The following MRPS27 variants were observed in gnomAD, a reference collection of about 807,000 sequenced individuals.
MRPS27 encodes mitochondrial ribosomal protein S27.
In MRPS27, 43 loss-of-function variants were observed where a neutral mutation model predicts 48.9. The observed-to-expected ratio is 0.88, with a 90% CI of 0.69 to 1.13. The LOEUF is 1.13. MRPS27 is among the 50% of genes most tolerant of loss of function. The pLI is 0.00. For missense variants in MRPS27, 467 were observed against 476.3 expected (o/e 0.98, Z 0.18); for synonymous variants, 188 against 171.9 (o/e 1.09, Z -0.73).
chr5:72,251,203 G>C (rs915758056), intron 4 of MRPS27, among the ~76,000 whole-genome samples: 3 of 152,136 alleles, frequency 2.0e-5, no homozygotes, highest in African/African-American at 7.2e-5. Context: ...TTAGCCAGAG[G>C]GGATGGAATA....
chr5:72,222,288 G>C (rs549736465), intron 10 of MRPS27, among the ~76,000 whole-genome samples: 4 of 152,348 alleles, frequency 2.6e-5, no homozygotes, highest in African/African-American at 9.6e-5. Flanking sequence ...TAAACTACGA[G>C]TTGGCAAACT....
chr5:72,278,699 A>G (rs1749450936), intron 4 of MRPS27, among the ~76,000 whole-genome samples: 1 of 152,202 alleles, frequency 6.6e-6, no homozygotes, highest in African/African-American at 2.4e-5. Flanking sequence ...TTCAAACTAC[A>G]TAAATGGTAT....
Position 72,258,902 on chromosome 5 carries a change from T to C in MRPS27, c.282-20774A>G, listed in dbSNP as rs1384853883. Among the ~76,000 whole-genome samples, 5 of 152,142 alleles carry C rather than the reference T, an allele frequency of 3.3e-5. No individual in the cohort carries two copies. In the East Asian group the frequency reaches 7.7e-4, roughly 23 times the overall value. ...TAAATCTCAGTCTCCAGCGTAAACA[T>C]CTCTCCCAGCTGCAAATCCATATGT... On this transcript the variant is annotated intron_variant, in intron 4 of 10. Transcript: ENST00000261413.
At position 72,221,163 on chromosome 5, in the gene MRPS27, T is replaced by G. The variant is rs758040431; in HGVS notation, c.1006-15A>C. 2.5e-6 allele frequency: 4 copies of G among 1,610,574 alleles called. No homozygotes were observed. ...GAATGTAAGGCCTGTTGGAAACAAA[T>G]GGGAAAAATGAGAAGAAAGGTAGAG... On this transcript the variant is annotated splice_polypyrimidine_tract_variant and intron_variant, in intron 10 of 10. Transcript: ENST00000261413.
intron 5 of MRPS27, among the ~76,000 whole-genome samples, chr5:72,237,457 A>G (rs1382145648): frequency 6.6e-6 from 1 of 152,184 alleles, no homozygotes; most frequent in Non-Finnish European, 1.5e-5. Flanking sequence ...CTTTTCATAA[A>G]AAGACTGTTA....
chr5:72,234,039 A>T, intron 6 of MRPS27, 80 bp downstream of exon 6: 1 of 1,322,778 alleles, frequency 7.6e-7, no homozygotes. Context: ...GAAATAAAAA[A>T]GGGGAAGTTC....
At chr5:72,269,780 A>C (rs1749188288) in intron 4 of MRPS27, among the ~76,000 whole-genome samples, 1 of 152,228 alleles carries the variant, frequency 6.6e-6, no homozygotes, top group African/African-American at 2.4e-5. Context: ...TCTAGGTGTT[A>C]AAAACAAAAG....
At position 72,234,156 on chromosome 5, in the gene MRPS27, T is replaced by C. The variant is rs757816276; in HGVS notation, c.438A>G (p.Leu146=). 2.6e-6 allele frequency: 4 copies of C among 1,518,714 alleles called. No homozygotes were observed. The highest frequency in any genetic ancestry group is 1.4e-5 in the South Asian group (1 of 73,972). 94.1% of individuals were successfully genotyped at this position (1,518,714 alleles called of 1,614,324 possible). A position where few individuals can be genotyped will look rare whatever the true frequency, so the allele number is the denominator to read the frequency against. ...GIFPDNFTFN[L]LMDSFIKKEN... is the part of the protein sequence containing the mutation. ...CTTTCTTTATGAAAGAATCCATCAG[T>C]AAATTGAATGTAAAGTTATCTGGAA... The change falls in exon 6 of 11, where the codon TTA becomes TTG. Residue 146 remains leucine, a synonymous_variant. Coordinates refer to ENST00000261413, the MANE Select transcript of MRPS27 (RefSeq NM_015084.3).
At chr5:72,306,000 G>A (rs1374609766) in intron 2 of MRPS27, among the ~76,000 whole-genome samples, 2 of 152,156 alleles carry the variant, frequency 1.3e-5, no homozygotes, top group Non-Finnish European at 1.5e-5. Flanking sequence ...GGAAAGCCCA[G>A]GGCTCTACAG....
chr5:72,306,922 ACTCT>A (rs773640269), intron 2 of MRPS27, among the ~76,000 whole-genome samples: 2 of 152,116 alleles, frequency 1.3e-5, no homozygotes, highest in African/African-American at 2.4e-5. Flanking sequence ...GGTTTATTCT[ACTCT>A]CTCTACTTCT....
chr5:72,270,857 T>C (rs1404214330), intron 4 of MRPS27, among the ~76,000 whole-genome samples: 1 of 152,130 alleles, frequency 6.6e-6, no homozygotes, highest in Non-Finnish European at 1.5e-5. Context: ...ATCAAAGTAA[T>C]ACATTATATT....
chr5:72,260,789 G>A lies in MRPS27; in HGVS notation c.282-22661C>T, dbSNP rs17310357. Among the ~76,000 whole-genome samples the A allele has an allele frequency of 7.9e-3, 1,200 of 152,290 alleles. 51 individuals are homozygous for A. Among genetic ancestry groups the A allele is most frequent in the Admixed American group, 0.071 (1,080 of 15,298 alleles). On this transcript the variant is annotated intron_variant, in intron 4 of 10. Coordinates refer to ENST00000261413, the MANE Select transcript of MRPS27 (RefSeq NM_015084.3). The stretch of plus-strand genomic sequence containing the variant: ...GTTCAAAATATACATGGAATGCTGA[G>A]TTGTGTTTCTGGGTCAACAAAATGC...
chr5:72,244,498 C>T (rs1211002064), intron 4 of MRPS27, among the ~76,000 whole-genome samples: 1 of 152,136 alleles, frequency 6.6e-6, no homozygotes, highest in African/African-American at 2.4e-5. Flanking sequence ...AAGTAGGATG[C>T]ATGTCACCAC....
chr5:72,319,895 G>A, intron 1 of MRPS27: 2 of 508,558 alleles, frequency 3.9e-6, no homozygotes, highest in South Asian at 4.8e-5. Context: ...ACATAAATCT[G>A]GCGAATCATA....
At chr5:72,304,986 G>A (rs1157182312) in intron 2 of MRPS27, among the ~76,000 whole-genome samples, 1 of 152,090 alleles carries the variant, frequency 6.6e-6, no homozygotes, top group Non-Finnish European at 1.5e-5. Context: ...GGCTGAAACT[G>A]TTTTTGTTTC....
chr5:72,233,039 C>T (rs541149406), intron 6 of MRPS27, among the ~76,000 whole-genome samples: 55 of 152,230 alleles, frequency 3.6e-4, no homozygotes, highest in African/African-American at 1.3e-3. Flanking sequence ...GCTGGTCTGA[C>T]TGCCCTATTC....
intron 4 of MRPS27, 106 bp from the exon 5 acceptor site, chr5:72,238,234 C>G: frequency 1.5e-6 from 1 of 678,478 alleles, no homozygotes; most frequent in Non-Finnish European, 2.6e-6. Flanking sequence ...TGCAATGTGA[C>G]AGAAATTCAT....
At chr5:72,247,870 G>C (rs1046226766) in intron 4 of MRPS27, among the ~76,000 whole-genome samples, 46 of 151,748 alleles carry the variant, frequency 3.0e-4, no homozygotes, top group African/African-American at 1.1e-3. Context: ...GGATAGGGTG[G>C]GCATAGAGAT....
intron 4 of MRPS27, among the ~76,000 whole-genome samples, chr5:72,251,547 C>T (rs1419751619): frequency 6.6e-6 from 1 of 152,206 alleles, no homozygotes; most frequent in African/African-American, 2.4e-5. Context: ...GGGGATTATA[C>T]TGGTTTCCAC....
Sources: gnomAD v4.1 joint callset for allele counts (sites outside exome capture counted in the v4.1 genomes callset) on GRCh38, gnomAD v4.1.1 for gene constraint, MANE v1.5 for transcripts, NCBI Gene and HGNC (gene_info 2026-07-23, HGNC 2026-07-21) for gene names.